Variants in SPATS2 observed in about 807,000 individuals in gnomAD.
The protein encoded by SPATS2 is spermatogenesis associated serine rich 2, also known as spermatogenesis-associated serine-rich protein 2.
Under a neutral mutation model 63.7 loss-of-function variants are expected in SPATS2, and 38 were observed. The ratio of observed to expected loss-of-function variants is 0.60; its 90% CI spans 0.46 to 0.78. SPATS2 has a LOEUF of 0.78. Among genes scored for constraint, SPATS2 ranks in the 30% least tolerant of loss-of-function variants. The pLI, the probability that SPATS2 is intolerant of heterozygous loss-of-function variation, is 0.00. For synonymous variants in SPATS2, 207 were observed against 232.9 expected, an observed-to-expected ratio of 0.89 and a Z score of 1.01; for missense variants, 588 against 666.2, an observed-to-expected ratio of 0.88 and a Z score of 1.29.
In SPATS2 at chr12:49,524,074, G is replaced by A. The variant is rs941793215; in HGVS notation, c.1112-608G>A. 3.9e-5 allele frequency among the ~76,000 whole-genome samples: 6 copies of A among 152,172 alleles called. No individual in the cohort carries two copies. In the East Asian group the frequency reaches 1.2e-3, roughly 29 times the overall value. The stretch of plus-strand genomic sequence containing the variant: ...AACCACTGGAATTCTAACACAATTT[G>A]AACTGAAAATATTAATATTTTTTTC... On this transcript the variant is annotated intron_variant, in intron 12 of 13. Coordinates refer to ENST00000552918, the MANE Select transcript of SPATS2 (RefSeq NM_023071.4).
intron 2 of SPATS2, among the ~76,000 whole-genome samples, chr12:49,414,935 C>CTTTTTTTTTTTTTTTTTTT (rs199648430): frequency 7.4e-6 from 1 of 135,918 alleles, no homozygotes; most frequent in Non-Finnish European, 1.6e-5. Context: ...TTTTCTTTTT[C>CTTTTTTTTTTTTTTTTTTT]TTTTCTTTTT....
At chr12:49,409,046 T>C (rs1210093937) in intron 2 of SPATS2, among the ~76,000 whole-genome samples, 1 of 152,162 alleles carries the variant, frequency 6.6e-6, no homozygotes, top group African/African-American at 2.4e-5. Context: ...ATAATAATAG[T>C]ACATTTGACA....
At chr12:49,369,369 G>T (rs948206979) in intron 1 of SPATS2, among the ~76,000 whole-genome samples, 3 of 152,092 alleles carry the variant, frequency 2.0e-5, no homozygotes, top group South Asian at 4.1e-4. Context: ...GCTAGCCAAG[G>T]TGCTAAGATT....
At chr12:49,403,642 A>ACACACACACACACACACAC (rs1555180281) in intron 2 of SPATS2, among the ~76,000 whole-genome samples, 1 of 117,992 alleles carries the variant, frequency 8.5e-6, no homozygotes, top group African/African-American at 3.1e-5. Flanking sequence ...CACACACACA[A>ACACACACACACACACACAC]ACAAAACTGG....
intron 11 of SPATS2, among the ~76,000 whole-genome samples, chr12:49,519,840 T>A (rs1385099852): frequency 6.6e-6 from 1 of 150,488 alleles, no homozygotes; most frequent in Non-Finnish European, 1.5e-5. Context: ...TGAGACAAAG[T>A]CTCGCTCTGT....
intron 2 of SPATS2, among the ~76,000 whole-genome samples, chr12:49,406,844 C>T (rs1422047974): frequency 1.3e-5 from 2 of 151,986 alleles, no homozygotes; most frequent in East Asian, 3.9e-4. Flanking sequence ...CGTTCTTATT[C>T]TTAAGGATTT....
chr12:49,405,685 A>G (rs1227582447), intron 2 of SPATS2, among the ~76,000 whole-genome samples: 1 of 152,310 alleles, frequency 6.6e-6, no homozygotes, highest in South Asian at 2.1e-4. Flanking sequence ...ACTTAACTCC[A>G]GCCTGGGCGA....
chr12:49,391,477 A>G (rs1051906571), intron 2 of SPATS2, among the ~76,000 whole-genome samples: 3 of 152,042 alleles, frequency 2.0e-5, no homozygotes, highest in African/African-American at 7.2e-5. Flanking sequence ...GTGCCATTAC[A>G]CTCCAGCCTG....
At position 49,377,478 on chromosome 12, in the gene SPATS2, A is replaced by G. The variant is rs1018141162; in HGVS notation, c.-244+6188A>G. ...TTTCAGCAACATTAAGTAGGATTAT[A>G]TTCAATTTTTATATGATTACATTTT... On this transcript the variant is annotated intron_variant, in intron 2 of 13. Transcript: ENST00000552918. Among the ~76,000 whole-genome samples, 28 of 152,324 alleles carry G rather than the reference A, an allele frequency of 1.8e-4. 1 individual carries two copies. In the South Asian group the frequency reaches 4.3e-3, roughly 24 times the overall value.
At chr12:49,472,020 T>TC (rs34240600) in intron 3 of SPATS2, among the ~76,000 whole-genome samples, 14,284 of 151,980 alleles carry the variant, frequency 0.094, 800 homozygotes, top group African/African-American at 0.15. Flanking sequence ...GTGTCTTTAG[T>TC]CCTGCTTCTT....
At chr12:49,405,915 T>TC (rs1171075085) in intron 2 of SPATS2, among the ~76,000 whole-genome samples, 14 of 152,350 alleles carry the variant, frequency 9.2e-5, no homozygotes, top group Middle Eastern at 6.8e-3. Context: ...TACAGTTTCT[T>TC]CCATTTTAAA....
At chr12:49,435,022 CTT>C (rs776284070) in intron 2 of SPATS2, among the ~76,000 whole-genome samples, 1 of 114,060 alleles carries the variant, frequency 8.8e-6, no homozygotes, top group African/African-American at 3.2e-5. Context: ...AACTGAATGG[CTT>C]TTTTTTTTTT....
At chr12:49,399,510 A>G (rs1944568571) in intron 2 of SPATS2, among the ~76,000 whole-genome samples, 1 of 152,250 alleles carries the variant, frequency 6.6e-6, no homozygotes, top group South Asian at 2.1e-4. Context: ...ACAGAAAGGC[A>G]TAGCAAGGCA....
At chr12:49,512,637 C>T (rs1454189662) in intron 9 of SPATS2, among the ~76,000 whole-genome samples, 2 of 152,180 alleles carry the variant, frequency 1.3e-5, no homozygotes, top group South Asian at 2.1e-4. Flanking sequence ...CTAAAAGTGT[C>T]ATCTGACATT....
chr12:49,466,486 G>C (rs1466960714), intron 3 of SPATS2, among the ~76,000 whole-genome samples: 1 of 152,010 alleles, frequency 6.6e-6, no homozygotes, highest in African/African-American at 2.4e-5. Context: ...TTTTATATGA[G>C]GTATAAGAGT....
intron 6 of SPATS2, 52 bp from the exon 7 acceptor site, chr12:49,494,689 G>C: frequency 6.9e-7 from 1 of 1,459,164 alleles, no homozygotes; most frequent in Non-Finnish European, 9.1e-7. Context: ...CTAGGTTGTG[G>C]GGGAATCTTT....
chr12:49,452,973 C>T (rs959948387), intron 2 of SPATS2, among the ~76,000 whole-genome samples: 10 of 151,654 alleles, frequency 6.6e-5, no homozygotes, highest in South Asian at 2.1e-4. Context: ...CTGGCTAACA[C>T]GGTGAAACCC....
At chr12:49,438,846 T>C (rs529076085) in intron 2 of SPATS2, among the ~76,000 whole-genome samples, 2 of 152,218 alleles carry the variant, frequency 1.3e-5, no homozygotes, top group Non-Finnish European at 2.9e-5. Context: ...CTATCTGCTA[T>C]GTGCCCGGTA....
At position 49,454,756 on chromosome 12, in the gene SPATS2, G is replaced by A. The variant is rs143955668; in HGVS notation, c.-243-6014G>A. 3.3e-5 allele frequency among the ~76,000 whole-genome samples: 5 copies of A among 152,006 alleles called. No individual in the cohort carries two copies. The East Asian group carries it at 7.7e-4, about 24-fold the overall frequency. ...AAATTAGCCAGGCATGGTGGTATGC[G>A]CCTGTAGCCGTGACTCAGGAGGCTG... is the stretch of plus-strand genomic sequence containing the variant. On this transcript the variant is annotated intron_variant, in intron 2 of 13. Coordinates refer to ENST00000552918, the MANE Select transcript of SPATS2 (RefSeq NM_023071.4).
Sources: gnomAD v4.1 joint callset for allele counts (sites outside exome capture counted in the v4.1 genomes callset) on GRCh38, gnomAD v4.1.1 for gene constraint, MANE v1.5 for transcripts, NCBI Gene and HGNC (gene_info 2026-07-23, HGNC 2026-07-21) for gene names.